Variants in XK observed in about 807,000 individuals in gnomAD.
XK encodes the protein X-linked Kx blood group antigen, Kell and VPS13A binding protein, also known as endoplasmic reticulum membrane adapter protein XK.
In XK, 2 loss-of-function variants were observed where a neutral mutation model predicts 14.0. The ratio of observed to expected loss-of-function variants is 0.14; its 90% CI spans 0.06 to 0.45. XK has a LOEUF of 0.45. XK is among the 20% of genes least tolerant of loss of function. The probability of loss-of-function intolerance (pLI) is 0.98; values close to 1 mark genes in which losing one functional copy is unlikely to be tolerated. For missense variants in XK, 235 were observed against 341.5 expected (o/e 0.69, Z 2.46); for synonymous variants, 149 against 147.5 (o/e 1.01, Z -0.08).
chrX:37,727,695 C>T lies in XK; in HGVS notation c.568C>T (p.Leu190=). The T allele has an allele frequency of 1.7e-6, 2 of 1,211,182 alleles. No individual in the cohort carries two copies. The highest frequency in any genetic ancestry group is 2.2e-6 in the Non-Finnish European group (2 of 895,314). ...IVYGALRCNI[L]AIKIKYDEYE... The stretch of plus-strand genomic sequence containing the variant: ...GTATGGAGCCTTGCGCTGCAACATC[C>T]TAGCCATCAAAATCAAGTACGATGA... The change falls in exon 3 of 3, where the codon CTA becomes TTA. Residue 190 remains leucine (L), a synonymous_variant. Transcript: ENST00000378616.
intron 2 of XK, among the ~76,000 whole-genome samples, chrX:37,722,984 C>G (rs2043549323): frequency 8.9e-6 from 1 of 111,798 alleles, no homozygotes; most frequent in Non-Finnish European, 1.9e-5. Flanking sequence ...GGAAAGAGTT[C>G]ATTTGGCTGG....
Position 37,698,328 on chromosome X carries a change from C to T in XK, c.508+3780C>T, listed in dbSNP as rs142374303. 1.6e-3 allele frequency among the ~76,000 whole-genome samples: 175 copies of T among 110,073 alleles called. 1 individual carries two copies. Among genetic ancestry groups the T allele is most frequent in the African/African-American group, 5.4e-3 (162 of 30,262 alleles). ...TAGTAAAGAGGGAAATTGAGCCAGA[C>T]ACAGTGGCTCACACCTGTGATCCTA... On this transcript the variant is annotated intron_variant, in intron 2 of 2. Transcript: ENST00000378616.
intron 1 of XK, among the ~76,000 whole-genome samples, chrX:37,686,808 C>T: frequency 9.0e-6 from 1 of 111,313 alleles, no homozygotes; most frequent in Non-Finnish European, 1.9e-5. Context: ...CCCTGGCAAA[C>T]TTATAAACGT....
chrX:37,704,768 G>C (rs1338873208), intron 2 of XK, among the ~76,000 whole-genome samples: 1 of 111,124 alleles, frequency 9.0e-6, no homozygotes, highest in Non-Finnish European at 1.9e-5. Context: ...CCTGGAGGTG[G>C]AGGTGGCAGT....
chrX:37,725,978 A>C (rs1236846429), intron 2 of XK, among the ~76,000 whole-genome samples: 1 of 111,990 alleles, frequency 8.9e-6, no homozygotes, highest in Admixed American at 9.5e-5. Flanking sequence ...TGGAGAACAG[A>C]GGATTTTTAC....
rs146718567 is a variant in XK at position 37,686,018 on chromosome X, G to C, written c.57G>C (p.Thr19=). The C allele has an allele frequency of 2.1e-4, 251 of 1,207,741 alleles. No individual in the cohort carries two copies. Among genetic ancestry groups the C allele is most frequent in the Non-Finnish European group, 2.7e-4 (241 of 894,182 alleles). ...ASVFLFVAET[T]AALSLSSTYR... is the part of the protein sequence containing the mutation. ...TGTTCCTGTTCGTGGCCGAGACAAC[G>C]GCGGCGCTCAGCCTGAGCAGCACCT... The change falls in exon 1 of 3, where the codon ACG becomes ACC. Residue 19 remains threonine (T), a synonymous_variant. Coordinates refer to ENST00000378616, the MANE Select transcript of XK (RefSeq NM_021083.4).
At chrX:37,700,380 T>G in intron 2 of XK, among the ~76,000 whole-genome samples, 1 of 111,708 alleles carries the variant, frequency 9.0e-6, no homozygotes, top group East Asian at 2.8e-4. Context: ...TTCCCATAGA[T>G]GAGAGACCCC....
chrX:37,724,739 A>G (rs1262080797), intron 2 of XK, among the ~76,000 whole-genome samples: 3 of 111,420 alleles, frequency 2.7e-5, no homozygotes, highest in Non-Finnish European at 3.8e-5. Context: ...ATATATTTGC[A>G]AAAGACTTAT....
At chrX:37,701,575 TC>T (rs782701275) in intron 2 of XK, among the ~76,000 whole-genome samples, 2 of 112,790 alleles carry the variant, frequency 1.8e-5, no homozygotes, top group East Asian at 5.6e-4. Flanking sequence ...GGCCATGTGA[TC>T]TTGGACTTTC....
intron 1 of XK, among the ~76,000 whole-genome samples, chrX:37,687,194 TACACACACACACAC>T (rs36002435): frequency 1.1e-5 from 1 of 87,047 alleles, no homozygotes; most frequent in Non-Finnish European, 2.3e-5. Flanking sequence ...CTCTCTCTCT[TACACACACACACAC>T]ACACACACAC....
intron 1 of XK, among the ~76,000 whole-genome samples, chrX:37,693,347 C>A (rs1927239897): frequency 1.8e-5 from 2 of 111,589 alleles, no homozygotes; most frequent in African/African-American, 3.3e-5. Flanking sequence ...TTTTAACCAG[C>A]ATTTTATTAT....
chrX:37,703,837 A>T (rs900158018), intron 2 of XK, among the ~76,000 whole-genome samples: 1 of 112,547 alleles, frequency 8.9e-6, no homozygotes, highest in Non-Finnish European at 1.9e-5. Flanking sequence ...GGTCTCTTGG[A>T]TTTCTTGGGA....
At chrX:37,720,124 G>T (rs1270624673) in intron 2 of XK, among the ~76,000 whole-genome samples, 5 of 111,242 alleles carry the variant, frequency 4.5e-5, no homozygotes, top group African/African-American at 1.6e-4. Context: ...GTCAATATTT[G>T]CTCCCATACC....
chrX:37,711,230 A>T (rs1556446652), intron 2 of XK, among the ~76,000 whole-genome samples: 1 of 112,260 alleles, frequency 8.9e-6, no homozygotes, highest in African/African-American at 3.2e-5. Context: ...TAGCCTGGAG[A>T]GCTACATAGG....
chrX:37,698,609 G>A (rs1382050467), intron 2 of XK, among the ~76,000 whole-genome samples: 1 of 102,792 alleles, frequency 9.7e-6, no homozygotes, highest in Non-Finnish European at 2.0e-5. Context: ...AGAGGAGCCA[G>A]AATTTGAGGT....
At chrX:37,686,653 G>A (rs1340723095) in intron 1 of XK, among the ~76,000 whole-genome samples, 1 of 111,394 alleles carries the variant, frequency 9.0e-6, no homozygotes, top group Non-Finnish European at 1.9e-5. Flanking sequence ...GGAGCTTACT[G>A]TGTGCCAAGC....
chrX:37,705,314 T>C (rs1300988997), intron 2 of XK, among the ~76,000 whole-genome samples: 4 of 108,446 alleles, frequency 3.7e-5, no homozygotes, highest in Non-Finnish European at 7.7e-5. Context: ...TAGCCGGGCG[T>C]GGTGGCGGGC....
rs1928029334 is a variant in XK at position 37,728,714 on chromosome X, T to C, written c.*252T>C. 2.6e-6 allele frequency: 1 copy of C among 385,577 alleles called. No individual in the cohort carries two copies. The highest frequency in any genetic ancestry group is 3.9e-5 in the South Asian group (1 of 25,815). 31.8% of individuals were successfully genotyped at this position (385,577 alleles called of 1,213,427 possible). A position where few individuals can be genotyped will look rare whatever the true frequency, so the allele number is the denominator to read the frequency against. ...AACCATGTTGTGTTCTTCTAGGCAT[T>C]ACTGGCCTTTTCACTGACAAGTTAC... On this transcript the variant is annotated 3_prime_UTR_variant, in exon 3 of 3. Transcript: ENST00000378616.
intron 2 of XK, among the ~76,000 whole-genome samples, chrX:37,697,648 A>G (rs1927328181): frequency 8.9e-6 from 1 of 112,125 alleles, no homozygotes; most frequent in Non-Finnish European, 1.9e-5. Context: ...CTGGAGAGTT[A>G]TTGTTTTTCT....
Sources: gnomAD v4.1 joint callset for allele counts (sites outside exome capture counted in the v4.1 genomes callset) on GRCh38, gnomAD v4.1.1 for gene constraint, MANE v1.5 for transcripts, NCBI Gene and HGNC (gene_info 2026-07-23, HGNC 2026-07-21) for gene names.